The following CEP162 variants were observed in gnomAD, a reference collection of about 807,000 sequenced individuals.
CEP162 encodes centrosomal protein 162, also known as centrosomal protein of 162 kDa.
CEP162 carries 141 observed loss-of-function variants against 169.2 expected under a neutral mutation model. That is an observed-to-expected ratio of 0.83 (90% CI 0.73 to 0.96). The LOEUF is 0.96. CEP162 is among the 40% of genes least tolerant of loss of function. The pLI is 0.00. For synonymous variants in CEP162, 540 were observed against 526.4 expected (o/e 1.03, Z -0.35); for missense variants, 1,600 against 1,587.2 (o/e 1.01, Z -0.14).
rs1343223418 is a variant in CEP162, at chr6:84,160,865, GT to G, written c.2727del (p.Arg910AlafsTer2). 1 of 1,612,612 alleles carries G rather than the reference GT, an allele frequency of 6.2e-7. No homozygotes were observed. The highest frequency in any genetic ancestry group is 1.3e-5 in the African/African-American group (1 of 74,876). ...GCATCTGCTGCTTTATCTTTTAAGC[GT>G]ATCTTCTGCCGAATAGATGGATTCC... ...ESGNPSIRQK[I>X]RLKDKAADAK... On this transcript the variant is annotated frameshift_variant, in exon 21 of 27. Coordinates refer to ENST00000403245, the MANE Select transcript of CEP162 (RefSeq NM_014895.4). LOFTEE classifies it high-confidence loss of function.
Position 84,125,077 on chromosome 6 carries a change from T to C in CEP162, c.4205A>G (p.Glu1402Gly). The C allele has an allele frequency of 6.2e-7, 1 of 1,610,634 alleles. No individual in the cohort carries two copies. The highest frequency in any genetic ancestry group is 1.1e-5 in the South Asian group (1 of 90,688). Residue 1402 changes from glutamate (E) to glycine (G), a missense_variant, in exon 27 of 27, where the codon GAG (glutamate) becomes GGG (glycine). Glu to Gly is a moderately conservative substitution (Grantham distance 98). Coordinates refer to ENST00000403245, the MANE Select transcript of CEP162 (RefSeq NM_014895.4). ...ATGAAATCTGAATTTCTATTAATAC[T>C]CTGGTGCATTCATTTCATCTGCAAA... The part of the protein sequence containing the change: ...VAFADEMNAP[E>G]Y
intron 25 of CEP162, among the ~76,000 whole-genome samples, chr6:84,133,970 T>C (rs1253691189): frequency 6.6e-6 from 1 of 152,170 alleles, no homozygotes; most frequent in African/African-American, 2.4e-5. Context: ...ACTGGAGCTG[T>C]TCCTCTTTGG....
intron 25 of CEP162, among the ~76,000 whole-genome samples, chr6:84,141,253 AT>A (rs71806895): frequency 0.25 from 36,939 of 150,634 alleles, 9,953 homozygotes; most frequent in African/African-American, 0.68. Context: ...TCAAAAAATG[AT>A]TTTTTTTTTC....
chr6:84,189,701 C>A (rs1272068944), intron 11 of CEP162, among the ~76,000 whole-genome samples: 3 of 152,248 alleles, frequency 2.0e-5, no homozygotes, highest in Non-Finnish European at 4.4e-5. Flanking sequence ...CGAGCACCAC[C>A]CCCTGCTCCA....
intron 10 of CEP162, among the ~76,000 whole-genome samples, chr6:84,194,005 C>T (rs982761172): frequency 1.3e-5 from 2 of 152,016 alleles, no homozygotes; most frequent in Non-Finnish European, 2.9e-5. Flanking sequence ...TACGTACATA[C>T]AAAAGAGTAA....
chr6:84,156,387 T>C (rs565500929), intron 21 of CEP162, among the ~76,000 whole-genome samples: 1 of 152,028 alleles, frequency 6.6e-6, no homozygotes, highest in Non-Finnish European at 1.5e-5. Flanking sequence ...CTTAATTAAA[T>C]AACCCCATTA....
At chr6:84,139,749 A>G (rs2099515755) in intron 25 of CEP162, among the ~76,000 whole-genome samples, 1 of 152,176 alleles carries the variant, frequency 6.6e-6, no homozygotes, top group South Asian at 2.1e-4. Context: ...AAAATTTGTA[A>G]AATTCTTTGA....
rs767470511 is a variant in CEP162 at position 84,155,298 on chromosome 6, C to T, written c.2994G>A (p.Lys998=). 1 of 1,612,440 alleles carries T rather than the reference C, an allele frequency of 6.2e-7. No homozygotes were observed. Among genetic ancestry groups the T allele is most frequent in the Non-Finnish European group, 8.5e-7 (1 of 1,178,978 alleles). The stretch of plus-strand genomic sequence containing the variant: ...ATCTCTGAGGCTACTTACCACTTAC[C>T]TTCATTTTCTGAAACTGTTGTTCCA... ...RTMEQQFQKM[K]IQYEQRLEQQ... Residue 998 remains lysine (K), a splice_region_variant and synonymous_variant, in exon 22 of 27, where the codon AAG becomes AAA. Coordinates refer to ENST00000403245, the MANE Select transcript of CEP162 (RefSeq NM_014895.4).
At chr6:84,203,906 C>CTCT in intron 7 of CEP162, 75 bp downstream of exon 7, 1 of 671,996 alleles carries the variant, frequency 1.5e-6, no homozygotes, top group South Asian at 2.7e-5. Flanking sequence ...ATTTTTTGAG[C>CTCT]TCTTCATATA....
intron 9 of CEP162, among the ~76,000 whole-genome samples, chr6:84,198,101 C>A (rs1481826462): frequency 2.6e-5 from 4 of 152,074 alleles, no homozygotes; most frequent in African/African-American, 7.2e-5. Context: ...AAAAGAGAAT[C>A]TTTGACAATG....
chr6:84,207,522 A>G (rs922657788), intron 6 of CEP162, among the ~76,000 whole-genome samples: 1 of 137,716 alleles, frequency 7.3e-6, no homozygotes, highest in Admixed American at 8.1e-5. Flanking sequence ...AACAATGAGA[A>G]CACTTGGACA....
intron 16 of CEP162, 125 bp from the exon 17 acceptor site, chr6:84,171,843 T>G (rs766879308): frequency 2.9e-5 from 12 of 414,882 alleles, no homozygotes; most frequent in Non-Finnish European, 4.2e-5. Flanking sequence ...TTTGCGTATG[T>G]AAAGTCTTTT....
At position 84,155,524 on chromosome 6, in the gene CEP162, T is replaced by C. The variant is rs1374967304; in HGVS notation, c.2782-14A>G. 1 of 1,533,118 alleles carries C rather than the reference T, an allele frequency of 6.5e-7. No homozygotes were observed. The highest frequency in any genetic ancestry group is 1.7e-5 in the Admixed American group (1 of 57,218). The allele number at this position is 1,533,118 out of a possible 1,614,324, so 95.0% of individuals were successfully genotyped here. On this transcript the variant is annotated splice_polypyrimidine_tract_variant and intron_variant, in intron 21 of 26. Transcript: ENST00000403245. ...CATTTCCTTAACCTATTAAAACATA[T>C]TTTCCACCAAAGAACACTTAGATTT...
chr6:84,138,583 T>C (rs1397315727), intron 25 of CEP162, among the ~76,000 whole-genome samples: 1 of 152,190 alleles, frequency 6.6e-6, no homozygotes, highest in Non-Finnish European at 1.5e-5. Flanking sequence ...AGGGTGTCAT[T>C]ACCTTTACTC....
chr6:84,212,986 T>A lies in CEP162; in HGVS notation c.542A>T (p.Glu181Val). ...CAGTTCTTCATGTTTCGATTCATTC[T>A]CATGTTCGTCATCAGTTAGTTCTGC... ...ANAELTDDEH[E>V]NESKHEELAE... Residue 181 changes from glutamate (E) to valine (V), a missense_variant, in exon 6 of 27, where the codon GAG becomes GTG. Glu to Val is a moderately radical substitution (Grantham distance 121, BLOSUM62 -2). Coordinates refer to ENST00000403245, the MANE Select transcript of CEP162 (RefSeq NM_014895.4). 1 of 1,555,154 alleles carries A rather than the reference T, an allele frequency of 6.4e-7. No individual in the cohort carries two copies. Among genetic ancestry groups the A allele is most frequent in the Non-Finnish European group, 8.7e-7 (1 of 1,147,080 alleles).
At position 84,193,781 on chromosome 6, in the gene CEP162, A is replaced by G. The variant is rs539113569; in HGVS notation, c.1028-91T>C. On this transcript the variant is annotated intron_variant, in intron 10 of 26. Transcript: ENST00000403245. ...TAACACCAAAATTATATTTTCTCTG[A>G]CACAGTTAATAAAACGGTACATGCA... The G allele has an allele frequency of 5.8e-6, 4 of 687,220 alleles. No individual in the cohort carries two copies. The South Asian group carries it at 8.0e-5, about 14-fold the overall frequency. 42.6% of individuals were successfully genotyped at this position (687,220 alleles called of 1,614,324 possible).
intron 16 of CEP162, 121 bp downstream of exon 16, chr6:84,173,927 C>G: frequency 1.4e-6 from 1 of 704,550 alleles, no homozygotes; most frequent in Non-Finnish European, 2.3e-6. Flanking sequence ...TCAGGTGATC[C>G]GCCCACCTCA....
intron 25 of CEP162, among the ~76,000 whole-genome samples, chr6:84,135,202 C>G (rs151319211): frequency 2.0e-5 from 3 of 152,126 alleles, no homozygotes; most frequent in Admixed American, 2.0e-4. Flanking sequence ...AAAACACATG[C>G]ATAGTGAATC....
chr6:84,225,664 T>G (rs1000311500), intron 2 of CEP162, among the ~76,000 whole-genome samples: 2 of 150,668 alleles, frequency 1.3e-5, no homozygotes, highest in African/African-American at 5.0e-5. Context: ...GACCATACAT[T>G]CTTATAATGG....
Sources: allele counts gnomAD v4.1 joint callset (sites outside exome capture counted in the v4.1 genomes callset), GRCh38; gene constraint gnomAD v4.1.1; transcripts MANE v1.5; gene names NCBI Gene and HGNC (gene_info 2026-07-23, HGNC 2026-07-21).